The following ITSN1 variants were observed in gnomAD, a reference collection of about 807,000 sequenced individuals.
ITSN1 encodes the protein intersectin 1, also known as intersectin-1.
A neutral mutation model predicts 239.8 loss-of-function variants in ITSN1; 58 were observed. The ratio of observed to expected loss-of-function variants is 0.24; its 90% confidence interval spans 0.20 to 0.30. ITSN1 has a LOEUF of 0.30. ITSN1 is among the 10% of genes least tolerant of loss of function. The pLI is 1.00. For synonymous variants in ITSN1, 780 were observed against 770.8 expected, an observed-to-expected ratio of 1.01 and a Z score of -0.20; for missense variants, 1,558 against 2,103.3, an observed-to-expected ratio of 0.74 and a Z score of 5.07.
At chr21:33,702,771 A>G (rs1224516015) in intron 1 of ITSN1, among the ~76,000 whole-genome samples, 3 of 152,166 alleles carry the variant, frequency 2.0e-5, no homozygotes, top group Non-Finnish European at 2.9e-5. Flanking sequence ...ATCATGCAAA[A>G]TGACATTTTA....
At chr21:33,875,315 T>C in intron 33 of ITSN1, 39 bp from the exon 34 acceptor site, 1 of 1,611,882 alleles carries the variant, frequency 6.2e-7, no homozygotes, top group Non-Finnish European at 8.5e-7. Flanking sequence ...CCGCCCACAT[T>C]GCCTAAAAGG....
chr21:33,735,245 AT>A, intron 5 of ITSN1, 41 bp downstream of exon 5: 1 of 1,580,536 alleles, frequency 6.3e-7, no homozygotes, highest in Non-Finnish European at 8.7e-7. Context: ...TTTCTTGTAT[AT>A]TTTAAAAATA....
intron 31 of ITSN1, among the ~76,000 whole-genome samples, chr21:33,861,577 A>G (rs1980532907): frequency 6.6e-6 from 1 of 152,178 alleles, no homozygotes; most frequent in Non-Finnish European, 1.5e-5. Flanking sequence ...TTTCATAGAC[A>G]AGGTAGGGCC....
chr21:33,657,957 G>A (rs2089230582), intron 1 of ITSN1, among the ~76,000 whole-genome samples: 1 of 152,124 alleles, frequency 6.6e-6, no homozygotes, highest in Admixed American at 6.6e-5. Context: ...GTGCACTCCA[G>A]CCTGAGCGAC....
At chr21:33,646,872 G>C (rs1157072507) in intron 1 of ITSN1, among the ~76,000 whole-genome samples, 1 of 152,084 alleles carries the variant, frequency 6.6e-6, no homozygotes, top group Non-Finnish European at 1.5e-5. Context: ...TATAGTCCCA[G>C]CTACTTCGGA....
intron 11 of ITSN1, among the ~76,000 whole-genome samples, chr21:33,770,162 C>T (rs1290912184): frequency 6.6e-6 from 1 of 151,966 alleles, no homozygotes; most frequent in Non-Finnish European, 1.5e-5. Flanking sequence ...CTCCCGGGTT[C>T]AAGCGATTCT....
chr21:33,750,014 G>T (rs2067440624), intron 5 of ITSN1, 129 bp from the exon 6 acceptor site: 1 of 852,770 alleles, frequency 1.2e-6, no homozygotes, highest in Non-Finnish European at 1.9e-6. Context: ...TGATTAACTT[G>T]AAGCCCTATT....
At chr21:33,847,777 G>C (rs1023938095) in intron 29 of ITSN1, among the ~76,000 whole-genome samples, 2 of 152,186 alleles carry the variant, frequency 1.3e-5, no homozygotes, top group African/African-American at 4.8e-5. Flanking sequence ...CAGCTCTCAT[G>C]ATCCCTGGGC....
intron 9 of ITSN1, among the ~76,000 whole-genome samples, chr21:33,763,529 C>T (rs1265813110): frequency 6.6e-6 from 1 of 152,206 alleles, no homozygotes; most frequent in Admixed American, 6.5e-5. Flanking sequence ...GCTCCACACC[C>T]AGCATGACAA....
chr21:33,895,730 C>T lies in ITSN1; in HGVS notation c.*7430C>T, dbSNP rs1456713937. On this transcript the variant is annotated 3_prime_UTR_variant, in exon 40 of 40. Coordinates refer to ENST00000381318, the MANE Select transcript of ITSN1 (RefSeq NM_003024.3). Reference sequence around the variant, plus strand: ...GCGTGCGTGTGCGTGCATGTGTGCGCATGCGTGTGTACCTACCCACACCTA... The same window carrying T: ...GCGTGCGTGTGCGTGCATGTGTGCGTATGCGTGTGTACCTACCCACACCTA... The T allele has an allele frequency of 6.6e-6, 1 of 152,250 alleles. No homozygotes were observed. The highest frequency in any genetic ancestry group is 2.4e-5 in the African/African-American group (1 of 41,400). The allele number at this position is 152,250 out of a possible 1,614,324, so 9.4% of individuals were successfully genotyped here.
chr21:33,797,640 A>C lies in ITSN1; in HGVS notation c.2182+32A>C, dbSNP rs1282397210. 2 of 1,575,418 alleles carry C rather than the reference A, an allele frequency of 1.3e-6. No homozygotes were observed. Among genetic ancestry groups the C allele is most frequent in the East Asian group, 4.5e-5 (2 of 44,620 alleles). ...GAAGCCAAAAATAATTATAGAAAAT[A>C]AGTCATCTTCTCTCCCAGAGCCTCC... On this transcript the variant is annotated intron_variant, in intron 18 of 39. Transcript: ENST00000381318. The surrounding 1 kb of genome is among the most constrained non-coding windows in gnomAD (Gnocchi z 4.9).
chr21:33,747,752 G>C (rs1056796722), intron 5 of ITSN1, among the ~76,000 whole-genome samples: 2 of 152,130 alleles, frequency 1.3e-5, no homozygotes, highest in Non-Finnish European at 1.5e-5. Context: ...AAAAATGAAG[G>C]TGAAATAATG....
At chr21:33,835,230 G>A (rs1049210415) in intron 28 of ITSN1, among the ~76,000 whole-genome samples, 7 of 152,100 alleles carry the variant, frequency 4.6e-5, no homozygotes, top group East Asian at 3.9e-4. Flanking sequence ...GTGATGAGCC[G>A]CAGTCCCCAC....
At chr21:33,847,585 C>T (rs910701896) in intron 29 of ITSN1, among the ~76,000 whole-genome samples, 1 of 152,060 alleles carries the variant, frequency 6.6e-6, no homozygotes, top group East Asian at 1.9e-4. Flanking sequence ...GAAGCCATAG[C>T]CCATGGCTGG....
At chr21:33,804,385 A>T (rs2072244070) in intron 20 of ITSN1, among the ~76,000 whole-genome samples, 1 of 152,234 alleles carries the variant, frequency 6.6e-6, no homozygotes, top group South Asian at 2.1e-4. Context: ...ATAGAAAATT[A>T]TCAAGTCTGC....
In ITSN1 at chr21:33,813,895, T is replaced by G. The variant is rs374570072; in HGVS notation, c.2568-18T>G. On this transcript the variant is annotated intron_variant, in intron 21 of 39. Coordinates refer to ENST00000381318, the MANE Select transcript of ITSN1 (RefSeq NM_003024.3). The stretch of plus-strand genomic sequence containing the variant: ...TAGGGAGTGCTTGTTATTCATGGTG[T>G]TGTGCTTTTCCCTCCAGGTGGCCCA... 8 of 1,612,332 alleles carry G rather than the reference T, an allele frequency of 5.0e-6. No individual in the cohort carries two copies. The highest frequency in any genetic ancestry group is 4.0e-5 in the African/African-American group (3 of 74,658).
At chr21:33,676,572 ACTGT>A (rs747612070) in intron 1 of ITSN1, among the ~76,000 whole-genome samples, 2 of 152,094 alleles carry the variant, frequency 1.3e-5, no homozygotes, top group Non-Finnish European at 2.9e-5. Context: ...GGGTCTTCAA[ACTGT>A]CTGTAGTTTG....
At chr21:33,816,816 T>G (rs2073307083) in intron 22 of ITSN1, among the ~76,000 whole-genome samples, 1 of 152,064 alleles carries the variant, frequency 6.6e-6, no homozygotes, top group Non-Finnish European at 1.5e-5. Flanking sequence ...ATATACAATC[T>G]TAGGGGTGTT....
intron 1 of ITSN1, among the ~76,000 whole-genome samples, chr21:33,673,191 T>C (rs1256807156): frequency 1.3e-5 from 2 of 152,154 alleles, no homozygotes; most frequent in African/African-American, 4.8e-5. Flanking sequence ...ATCTCACTTA[T>C]ATGTGGAATC....
Sources: allele counts gnomAD v4.1 joint callset (sites outside exome capture counted in the v4.1 genomes callset), GRCh38; gene constraint gnomAD v4.1.1; non-coding constraint Gnocchi (gnomAD v3.1); transcripts MANE v1.5; gene names NCBI Gene and HGNC (gene_info 2026-07-23, HGNC 2026-07-21).